The following ESRP2 variants were observed in gnomAD, a reference collection of about 807,000 sequenced individuals.
The protein encoded by ESRP2 is epithelial splicing regulatory protein 2.
Under a neutral mutation model 78.6 loss-of-function variants are expected in ESRP2, and 48 were observed. The ratio of observed to expected loss-of-function variants is 0.61; its 90% CI spans 0.48 to 0.78. The LOEUF is 0.78. ESRP2 is among the 30% of genes least tolerant of loss of function. The pLI, the probability that ESRP2 is intolerant of heterozygous loss-of-function variation, is 0.00. For missense variants in ESRP2, 863 were observed against 965.9 expected (o/e 0.89, Z 1.41); for synonymous variants, 383 against 406.7 (o/e 0.94, Z 0.70).
rs756074117 is a variant in ESRP2 at position 68,230,450 on chromosome 16, A to G, written c.2003T>C (p.Met668Thr). 3 of 1,612,978 alleles carry G rather than the reference A, an allele frequency of 1.9e-6. No homozygotes were observed. Among genetic ancestry groups the G allele is most frequent in the African/African-American group, 1.3e-5 (1 of 74,930 alleles). ...VLSQSGALVRMQGVPYTAGMK... is the reference protein window; with the variant it reads ...VLSQSGALVRTQGVPYTAGMK... ...ACCAGCCGTGTATGGGACACCCTGCATGCGGACCAAGGCTCCTGACTGGGA... is the reference window on the plus strand; with the variant it reads ...ACCAGCCGTGTATGGGACACCCTGCGTGCGGACCAAGGCTCCTGACTGGGA... The change falls in exon 14 of 15, where the codon ATG becomes ACG. Residue 668 changes from methionine to threonine, a missense_variant. Coordinates refer to ENST00000473183, the MANE Select transcript of ESRP2 (RefSeq NM_024939.3).
At position 68,232,574 on chromosome 16, in the gene ESRP2, C is replaced by A; in HGVS notation, c.821+3G>T. Reference sequence around the variant, plus strand: ...TTGGGCCCACCCACCCTGCCACACCCACCTGGCCACGTTGAGCCCTTTGAA... The same window carrying A: ...TTGGGCCCACCCACCCTGCCACACCAACCTGGCCACGTTGAGCCCTTTGAA... On this transcript the variant is annotated splice_donor_region_variant and intron_variant, in intron 7 of 14. Transcript: ENST00000473183. The surrounding 1 kb of genome is among the most constrained non-coding windows in gnomAD (Gnocchi z 5.2). 6.2e-7 allele frequency: 1 copy of A among 1,614,202 alleles called. No individual in the cohort carries two copies. The highest frequency in any genetic ancestry group is 8.5e-7 in the Non-Finnish European group (1 of 1,180,038).
In ESRP2 at chr16:68,231,749, G is replaced by A; in HGVS notation, c.1299+53C>T. The A allele has an allele frequency of 6.3e-7, 1 of 1,595,334 alleles. No individual in the cohort carries two copies. The highest frequency in any genetic ancestry group is 2.2e-5 in the East Asian group (1 of 44,616). On this transcript the variant is annotated intron_variant, in intron 10 of 14. Coordinates refer to ENST00000473183, the MANE Select transcript of ESRP2 (RefSeq NM_024939.3). This position sits in a 1 kb window ranked among gnomAD's most constrained non-coding sequence, Gnocchi z 6.0. ...ATGCCAAGTAGGGCAGGGACACAGA[G>A]GGCCGCCCTGGAGTAACAGTACATC... is the stretch of plus-strand genomic sequence containing the variant.
intron 13 of ESRP2, 101 bp downstream of exon 13, chr16:68,230,740 C>T (rs937679924): frequency 2.8e-5 from 42 of 1,500,270 alleles, no homozygotes; most frequent in Non-Finnish European, 3.8e-5. Flanking sequence ...ACTCCCTTGT[C>T]ATCTCAAGGG....
chr16:68,234,537 C>T (rs1220673807), intron 2 of ESRP2: 4 of 160,460 alleles, frequency 2.5e-5, no homozygotes, highest in Non-Finnish European at 5.4e-5. Flanking sequence ...CAATGGCAGC[C>T]CCGCCTCCAG....
rs1167776918 is a variant in ESRP2 at position 68,232,818 on chromosome 16, G to A, written c.656-3C>T. On this transcript the variant is annotated splice_region_variant and splice_polypyrimidine_tract_variant and intron_variant, in intron 5 of 14. Coordinates refer to ENST00000473183, the MANE Select transcript of ESRP2 (RefSeq NM_024939.3). The surrounding 1 kb of genome is among the most constrained non-coding windows in gnomAD (Gnocchi z 5.2). ...CTCGGGCTTCGAAAACAATTGACCTGAGAAAAGATGGCCTGGGGGTCAGCA... is the reference window on the plus strand; with the variant it reads ...CTCGGGCTTCGAAAACAATTGACCTAAGAAAAGATGGCCTGGGGGTCAGCA... The A allele has an allele frequency of 6.2e-7, 1 of 1,613,248 alleles. No individual in the cohort carries two copies. The highest frequency in any genetic ancestry group is 1.3e-5 in the African/African-American group (1 of 74,114).
chr16:68,234,174 A>G, intron 2 of ESRP2, 67 bp from the exon 3 acceptor site: 1 of 1,223,080 alleles, frequency 8.2e-7, no homozygotes, highest in Non-Finnish European at 1.2e-6. Flanking sequence ...AAGTGAGGGT[A>G]GGAGGAAGGA....
chr16:68,233,685 A>G, intron 4 of ESRP2, 83 bp downstream of exon 4: 4 of 1,020,800 alleles, frequency 3.9e-6, no homozygotes, highest in Non-Finnish European at 6.1e-6. Flanking sequence ...ATGTGTCCAT[A>G]TTACCCACCC....
At position 68,229,330 on chromosome 16, in the gene ESRP2, G is replaced by A. The variant is rs921605073; in HGVS notation, c.*896C>T. On this transcript the variant is annotated 3_prime_UTR_variant, in exon 15 of 15. Coordinates refer to ENST00000473183, the MANE Select transcript of ESRP2 (RefSeq NM_024939.3). ...CCCCTCACTTTGGGGCAAAGTTAAG[G>A]GTCCTGTGTCTTTTAAAAAGTCCAT... 6.6e-5 allele frequency: 10 copies of A among 152,470 alleles called. No homozygotes were observed. In the East Asian group the frequency reaches 1.9e-3, roughly 29 times the overall value. 9.4% of individuals were successfully genotyped at this position (152,470 alleles called of 1,614,324 possible). A position where few individuals can be genotyped will look rare whatever the true frequency, so the allele number is the denominator to read the frequency against.
At position 68,236,019 on chromosome 16, in the gene ESRP2, A is replaced by AGGGGGCGGC; in HGVS notation, c.18_26dup (p.Pro9_Pro11dup). On this transcript the variant is annotated inframe_insertion, in exon 1 of 15. Coordinates refer to ENST00000473183, the MANE Select transcript of ESRP2 (RefSeq NM_024939.3). This position sits in a 1 kb window ranked among gnomAD's most constrained non-coding sequence, Gnocchi z 5.2. ...CGGCCGCGGGGTCAGGGCCCGGGGG[A>AGGGGGCGGC]GGGGGCGGCGGCGGCGGCGGAGTCA... 6.7e-7 allele frequency: 1 copy of AGGGGGCGGC among 1,484,052 alleles called. No homozygotes were observed. Among genetic ancestry groups the AGGGGGCGGC allele is most frequent in the Non-Finnish European group, 8.9e-7 (1 of 1,125,942 alleles). 91.9% of individuals were successfully genotyped at this position (1,484,052 alleles called of 1,614,324 possible).
rs771396114 is a variant in ESRP2, at chr16:68,231,665, G to C, written c.1329C>G (p.Leu443=). ...GCAGTGGGGCAGTCAGTGTAGGAAG[G>C]AGTGGGCCGGATGCATAGCGGTTCA... ...QVLNRYASGP[L]LPTLTAPLLP... is the part of the protein sequence containing the mutation. Residue 443 remains leucine (L), a synonymous_variant, in exon 11 of 15, where the codon CTC becomes CTG. Coordinates refer to ENST00000473183, the MANE Select transcript of ESRP2 (RefSeq NM_024939.3). The surrounding 1 kb of genome is among the most constrained non-coding windows in gnomAD (Gnocchi z 6.0). 3.7e-6 allele frequency: 6 copies of C among 1,612,020 alleles called. No individual in the cohort carries two copies. Among genetic ancestry groups the C allele is most frequent in the Non-Finnish European group, 5.1e-6 (6 of 1,178,606 alleles).
chr16:68,235,713 C>T lies in ESRP2; in HGVS notation c.248G>A (p.Ser83Asn), dbSNP rs779154272. 3 of 1,604,738 alleles carry T rather than the reference C, an allele frequency of 1.9e-6. No individual in the cohort carries two copies. Among genetic ancestry groups the T allele is most frequent in the African/African-American group, 2.7e-5 (2 of 75,010 alleles). ...SLVRAEAAAL[S>N]TQCREASGLS... ...GCCGCTCGCCTCGCGGCACTGCGTA[C>T]TCAGTGCGGCCGCCTCGGCACGAAC... is the stretch of plus-strand genomic sequence containing the variant. Residue 83 changes from serine to asparagine, a missense_variant, in exon 2 of 15, where the codon AGT becomes AAT. Physicochemically the swap from Ser to Asn is conservative, Grantham distance 46 (BLOSUM62 1). Transcript: ENST00000473183. This position sits in a 1 kb window ranked among gnomAD's most constrained non-coding sequence, Gnocchi z 5.5.
In ESRP2 at chr16:68,235,969, CA is replaced by C. The variant is rs1370184392; in HGVS notation, c.76del (p.Trp26GlyfsTer27). 1 of 1,602,620 alleles carries C rather than the reference CA, an allele frequency of 6.2e-7. No homozygotes were observed. The highest frequency in any genetic ancestry group is 1.4e-5 in the African/African-American group (1 of 73,758). ...GAAGAGGACGACCAGTGATCCGGGCCAGGGGCAGGGGTCCGCGGCGGGGTCG... is the reference window on the plus strand; with the variant it reads ...GAAGAGGACGACCAGTGATCCGGGCCGGGGCAGGGGTCCGCGGCGGGGTCG... ...AADPAADPCPWPGSLVVLFGA... is the reference protein window; with the variant it reads ...AADPAADPCPXPGSLVVLFGA... On this transcript the variant is annotated frameshift_variant, in exon 1 of 15. Transcript: ENST00000473183. LOFTEE classifies it high-confidence loss of function. This position sits in a 1 kb window ranked among gnomAD's most constrained non-coding sequence, Gnocchi z 5.5.
At position 68,230,989 on chromosome 16, in the gene ESRP2, G is replaced by T. The variant is rs1046606817; in HGVS notation, c.1750C>A (p.Pro584Thr). ...GCCGTCTCCGTGGGAATGAGCGTTG[G>T]GGTGGCTTGGAAGGTGGTGTAGGTA... ...PPTYTTFQAT[P>T]TLIPTETAAL... Residue 584 changes from proline to threonine, a missense_variant, in exon 13 of 15, where the codon CCA (proline) becomes ACA (threonine). Coordinates refer to ENST00000473183, the MANE Select transcript of ESRP2 (RefSeq NM_024939.3). 6.2e-7 allele frequency: 1 copy of T among 1,601,984 alleles called. No individual in the cohort carries two copies. The highest frequency in any genetic ancestry group is 8.5e-7 in the Non-Finnish European group (1 of 1,174,166).
Position 68,230,115 on chromosome 16 carries a change from G to A in ESRP2, c.*111C>T. On this transcript the variant is annotated 3_prime_UTR_variant, in exon 15 of 15. Coordinates refer to ENST00000473183, the MANE Select transcript of ESRP2 (RefSeq NM_024939.3). Reference sequence around the variant, plus strand: ...GGGCTCCTCTAGGTACCTTCTGAGAGCTTTGACAAGCCAGAAAGAAGCTAC... The same window carrying A: ...GGGCTCCTCTAGGTACCTTCTGAGAACTTTGACAAGCCAGAAAGAAGCTAC... 1 of 1,011,146 alleles carries A rather than the reference G, an allele frequency of 9.9e-7. No individual in the cohort carries two copies. The highest frequency in any genetic ancestry group is 2.4e-5 in the East Asian group (1 of 41,308). 62.6% of individuals were successfully genotyped at this position (1,011,146 alleles called of 1,614,324 possible).
At chr16:68,234,282 C>T (rs1013160364) in intron 2 of ESRP2, 175 bp from the exon 3 acceptor site, 3 of 598,252 alleles carry the variant, frequency 5.0e-6, no homozygotes, top group African/African-American at 3.7e-5. Context: ...CCCTTCCCCT[C>T]ACCCCCCAAC....
At chr16:68,234,366 A>G in intron 2 of ESRP2, 1 of 456,596 alleles carries the variant, frequency 2.2e-6, no homozygotes, top group Non-Finnish European at 4.0e-6. Context: ...CTCAACACAC[A>G]CACTCCAGGA....
Position 68,230,017 on chromosome 16 carries a change from G to A in ESRP2, c.*209C>T. 1 of 594,708 alleles carries A rather than the reference G, an allele frequency of 1.7e-6. No homozygotes were observed. The highest frequency in any genetic ancestry group is 2.8e-5 in the East Asian group (1 of 35,728). The allele number at this position is 594,708 out of a possible 1,614,324, so 36.8% of individuals were successfully genotyped here. A position where few individuals can be genotyped will look rare whatever the true frequency, so the allele number is the denominator to read the frequency against. ...GCTGGTTAGCCCCATTCCACCCCCAGCCCTGCATGCAGGGTCCAGCCATTG... is the reference window on the plus strand; with the variant it reads ...GCTGGTTAGCCCCATTCCACCCCCAACCCTGCATGCAGGGTCCAGCCATTG... On this transcript the variant is annotated 3_prime_UTR_variant, in exon 15 of 15. Transcript: ENST00000473183.
At position 68,232,564 on chromosome 16, in the gene ESRP2, C is replaced by T. The variant is rs570408169; in HGVS notation, c.821+13G>A. The T allele has an allele frequency of 6.2e-7, 1 of 1,614,158 alleles. No homozygotes were observed. Among genetic ancestry groups the T allele is most frequent in the East Asian group, 2.2e-5 (1 of 44,858 alleles). ...GCCTGTCCAATTGGGCCCACCCACC[C>T]TGCCACACCCACCTGGCCACGTTGA... On this transcript the variant is annotated intron_variant, in intron 7 of 14. Transcript: ENST00000473183. The surrounding 1 kb of genome is among the most constrained non-coding windows in gnomAD (Gnocchi z 5.2).
Position 68,230,221 on chromosome 16 carries a change from C to T in ESRP2, c.*5G>A, listed in dbSNP as rs2042107418. The T allele has an allele frequency of 4.3e-6, 7 of 1,614,096 alleles. No individual in the cohort carries two copies. Among genetic ancestry groups the T allele is most frequent in the Non-Finnish European group, 5.9e-6 (7 of 1,179,942 alleles). On this transcript the variant is annotated 3_prime_UTR_variant, in exon 15 of 15. Transcript: ENST00000473183. ...CAGCTGGCTCTTACCTCCTGGCTTT[C>T]TCTCCTACAAACACACCCATTCCTT...
Sources: gnomAD v4.1 joint callset for allele counts on GRCh38, gnomAD v4.1.1 for gene constraint, Gnocchi (gnomAD v3.1) non-coding constraint, MANE v1.5 for transcripts, NCBI Gene and HGNC (gene_info 2026-07-23, HGNC 2026-07-21) for gene names.